The following CRACDL variants were observed in gnomAD, a reference collection of about 807,000 sequenced individuals.
CRACDL encodes the protein CRACD like.
In CRACDL, 26 loss-of-function variants were observed where a neutral mutation model predicts 70.6. The observed-to-expected ratio is 0.37, with a 90% CI of 0.27 to 0.51. The LOEUF is 0.51. CRACDL is among the 20% of genes least tolerant of loss of function. The probability of loss-of-function intolerance (pLI) is 0.94; values close to 1 mark genes in which losing one functional copy is unlikely to be tolerated. For missense variants in CRACDL, 1,283 were observed against 1,376.9 expected (o/e 0.93, Z 1.08); for synonymous variants, 618 against 615.2 (o/e 1.00, Z -0.07).
intron 1 of CRACDL, among the ~76,000 whole-genome samples, chr2:98,911,159 G>A (rs1708538790): frequency 6.6e-6 from 1 of 152,170 alleles, no homozygotes; most frequent in East Asian, 1.9e-4. Flanking sequence ...CCCCTCTTCT[G>A]CTTTCTGGGC....
rs573984688 is a variant in CRACDL, at chr2:98,814,793, A to G, written c.2416+7064T>C. 4.6e-5 allele frequency among the ~76,000 whole-genome samples: 7 copies of G among 152,150 alleles called. No individual in the cohort carries two copies. The East Asian group carries it at 1.4e-3, about 29-fold the overall frequency. ...AGTGCTAAAGTCTCTACATCTTACT[A>G]TGGATTTATTTATTTTTCCTTTCAG... On this transcript the variant is annotated intron_variant, in intron 7 of 9. Coordinates refer to ENST00000397899, the MANE Select transcript of CRACDL (RefSeq NM_207362.3).
chr2:98,882,440 C>A (rs1419499788), intron 1 of CRACDL, among the ~76,000 whole-genome samples: 1 of 152,210 alleles, frequency 6.6e-6, no homozygotes, highest in Non-Finnish European at 1.5e-5. Context: ...GAGAGTGAAG[C>A]TCATGGATTT....
At chr2:98,908,198 C>T (rs1227037761) in intron 1 of CRACDL, among the ~76,000 whole-genome samples, 1 of 152,242 alleles carries the variant, frequency 6.6e-6, no homozygotes, top group African/African-American at 2.4e-5. Flanking sequence ...GACGGACTGG[C>T]TGTCTCAACT....
chr2:98,899,359 C>T (rs1481992668), intron 1 of CRACDL, among the ~76,000 whole-genome samples: 6 of 152,232 alleles, frequency 3.9e-5, no homozygotes, highest in Admixed American at 3.9e-4. Flanking sequence ...CCTCATAGGA[C>T]CTTGTAGTCA....
chr2:98,853,359 A>ATATTCTATATTCTATATCC (rs1706560158), intron 1 of CRACDL, among the ~76,000 whole-genome samples: 1 of 152,218 alleles, frequency 6.6e-6, no homozygotes, highest in African/African-American at 2.4e-5. Context: ...AAAACAAAGA[A>ATATTCTATATTCTATATCC]CAACCCAATA....
At chr2:98,811,516 C>CAAAAAA (rs1199306759) in intron 7 of CRACDL, among the ~76,000 whole-genome samples, 12 of 49,636 alleles carry the variant, frequency 2.4e-4, no homozygotes, top group South Asian at 7.9e-4. Context: ...GACTCTGTCT[C>CAAAAAA]AAAAAAAAAA....
intron 2 of CRACDL, among the ~76,000 whole-genome samples, chr2:98,838,938 G>C (rs915213533): frequency 9.9e-5 from 15 of 152,108 alleles, no homozygotes; most frequent in Non-Finnish European, 2.2e-4. Context: ...TGCTCCTCTG[G>C]TGACAGCTTC....
At chr2:98,828,607 G>A (rs1705413541) in intron 5 of CRACDL, among the ~76,000 whole-genome samples, 1 of 152,256 alleles carries the variant, frequency 6.6e-6, no homozygotes, top group African/African-American at 2.4e-5. Context: ...GATGGGCTTC[G>A]ATACGGGAGG....
chr2:98,833,398 G>A (rs985079175), intron 3 of CRACDL, among the ~76,000 whole-genome samples: 2 of 152,362 alleles, frequency 1.3e-5, no homozygotes, highest in African/African-American at 2.4e-5. Flanking sequence ...CAGGCCCTCC[G>A]TGGGCTGAAG....
At chr2:98,869,515 C>T (rs939936260) in intron 1 of CRACDL, among the ~76,000 whole-genome samples, 1 of 152,230 alleles carries the variant, frequency 6.6e-6, no homozygotes, top group Non-Finnish European at 1.5e-5. Context: ...CTGTGCTCAC[C>T]ATGGAAGCAG....
intron 1 of CRACDL, among the ~76,000 whole-genome samples, chr2:98,929,455 G>A (rs1709016614): frequency 6.6e-6 from 1 of 152,184 alleles, no homozygotes; most frequent in Admixed American, 6.5e-5. Flanking sequence ...ACTCCAAGCA[G>A]CATCTACAGT....
chr2:98,798,259 C>T lies in CRACDL; in HGVS notation c.2417-722G>A, dbSNP rs912843308. Among the ~76,000 whole-genome samples the T allele has an allele frequency of 2.6e-5, 4 of 151,956 alleles. No homozygotes were observed. In the South Asian group the frequency reaches 6.2e-4, roughly 24 times the overall value. ...ACTTGGGAGACTGTGGCAGGACAAT[C>T]GCTTGAACTTGGGAGGTGGAGGTTG... On this transcript the variant is annotated intron_variant, in intron 7 of 9. Coordinates refer to ENST00000397899, the MANE Select transcript of CRACDL (RefSeq NM_207362.3).
chr2:98,857,031 G>A (rs1237221775), intron 1 of CRACDL, among the ~76,000 whole-genome samples: 1 of 152,152 alleles, frequency 6.6e-6, no homozygotes, highest in Non-Finnish European at 1.5e-5. Context: ...CCTCCAATAT[G>A]ATCCCATGCA....
chr2:98,872,352 T>C (rs1707372276), intron 1 of CRACDL, among the ~76,000 whole-genome samples: 1 of 152,146 alleles, frequency 6.6e-6, no homozygotes, highest in Admixed American at 6.5e-5. Flanking sequence ...AGTGAGACTC[T>C]GTCTCAAAAG....
chr2:98,822,810 G>T lies in CRACDL; in HGVS notation c.1463C>A (p.Ala488Asp), dbSNP rs370981557. The T allele has an allele frequency of 1.7e-5, 23 of 1,380,442 alleles. No homozygotes were observed. The African/African-American group carries it at 3.3e-4, about 20-fold the overall frequency. The allele number at this position is 1,380,442 out of a possible 1,614,324, so 85.5% of individuals were successfully genotyped here. The stretch of plus-strand genomic sequence containing the variant: ...GCTCTTGGGCGCCGGCGGGCTCGGG[G>T]CGGGCGCCGTGGAGGGCTCGGTCCC... ...RIGTEPSTAP[A>D]PSPPAPKSCL... is the part of the protein sequence containing the mutation. The change falls in exon 7 of 10, where the codon GCC becomes GAC. Residue 488 changes from alanine (A) to aspartate (D), a missense_variant. By Grantham distance (126) the Ala-to-Asp change is moderately radical. Transcript: ENST00000397899. The surrounding 1 kb of genome is among the most constrained non-coding windows in gnomAD (Gnocchi z 4.9).
intron 1 of CRACDL, among the ~76,000 whole-genome samples, chr2:98,927,386 C>T (rs570203229): frequency 6.6e-5 from 10 of 152,278 alleles, no homozygotes; most frequent in African/African-American, 2.4e-4. Flanking sequence ...TTCTGTGGGT[C>T]CTGAATTCCC....
Position 98,918,349 on chromosome 2 carries a change from A to G in CRACDL, c.-11+17589T>C, listed in dbSNP as rs200103270. ...GGAGTTCGAGACCAGCCTGGCCAAC[A>G]TGACAAAACCCTGACTCTACTAAAA... On this transcript the variant is annotated intron_variant, in intron 1 of 9. Transcript: ENST00000397899. 6.6e-5 allele frequency among the ~76,000 whole-genome samples: 10 copies of G among 152,168 alleles called. No homozygotes were observed. In the East Asian group the frequency reaches 1.7e-3, roughly 26 times the overall value.
At chr2:98,916,521 G>T (rs573630735) in intron 1 of CRACDL, among the ~76,000 whole-genome samples, 8 of 151,992 alleles carry the variant, frequency 5.3e-5, no homozygotes, top group African/African-American at 1.9e-4. Flanking sequence ...TTTAAAAAAT[G>T]CTGATTATAA....
chr2:98,878,373 T>C (rs1707545240), intron 1 of CRACDL, among the ~76,000 whole-genome samples: 1 of 152,246 alleles, frequency 6.6e-6, no homozygotes, highest in Non-Finnish European at 1.5e-5. Context: ...AACTTACCAT[T>C]GTATTACAAT....
Sources: gnomAD v4.1 joint callset for allele counts (sites outside exome capture counted in the v4.1 genomes callset) on GRCh38, gnomAD v4.1.1 for gene constraint, Gnocchi (gnomAD v3.1) non-coding constraint, MANE v1.5 for transcripts, NCBI Gene and HGNC (gene_info 2026-07-23, HGNC 2026-07-21) for gene names.